Variants in PRKG1 observed in about 807,000 individuals in gnomAD.
PRKG1 encodes protein kinase cGMP-dependent 1.
Under a neutral mutation model 88.1 loss-of-function variants are expected in PRKG1, and 35 were observed. That is an observed-to-expected ratio of 0.40 (90% CI 0.30 to 0.53). The LOEUF (loss-of-function observed/expected upper bound fraction) is 0.53, where lower values mean the gene tolerates loss of function less well. Ranked by LOEUF, PRKG1 falls within the 20% of genes least tolerant of loss-of-function variation. The probability of loss-of-function intolerance (pLI) is 0.59; values close to 1 mark genes in which losing one functional copy is unlikely to be tolerated. For synonymous variants in PRKG1, 303 were observed against 292.5 expected (o/e 1.04, Z -0.37); for missense variants, 540 against 839.8 (o/e 0.64, Z 4.41).
intron 4 of PRKG1, among the ~76,000 whole-genome samples, chr10:51,845,080 A>G (rs2132787994): frequency 6.6e-6 from 1 of 152,312 alleles, no homozygotes; most frequent in South Asian, 2.1e-4. Context: ...CTGGTTGGCC[A>G]GCTACCTCAC....
At position 51,698,427 on chromosome 10, in the gene PRKG1, G is replaced by A. The variant is rs1435126491; in HGVS notation, c.593-106158G>A. 2.5e-6 allele frequency: 4 copies of A among 1,613,956 alleles called. No homozygotes were observed. The highest frequency in any genetic ancestry group is 2.2e-5 in the East Asian group (1 of 44,852). On this transcript the variant is annotated intron_variant, in intron 3 of 17. Coordinates refer to ENST00000373980, the MANE Select transcript of PRKG1 (RefSeq NM_006258.4). ...CCTCCCCTCATCTCATGTGAGGAAG[G>A]GCCACGAGTGTCATGACCAGAGGCA...
At chr10:51,022,361 T>G (rs1843150120) in intron 1 of PRKG1, among the ~76,000 whole-genome samples, 1 of 152,208 alleles carries the variant, frequency 6.6e-6, no homozygotes, top group Non-Finnish European at 1.5e-5. Context: ...CTTCATTTCT[T>G]GACATCTCCT....
intron 5 of PRKG1, among the ~76,000 whole-genome samples, chr10:52,033,962 C>A (rs1589539849): frequency 9.3e-6 from 1 of 107,598 alleles, no homozygotes; most frequent in East Asian, 2.1e-4. Context: ...GTGGGGGTCG[C>A]AAGGTGCTCA....
At position 51,527,839 on chromosome 10, in the gene PRKG1, C is replaced by G. The variant is rs554944508; in HGVS notation, c.592+60003C>G. The stretch of plus-strand genomic sequence containing the variant: ...TTAAGCTTGTATTTCAAACAACTCC[C>G]GGCAAATATCTCCCTAGTTAAGTAA... On this transcript the variant is annotated intron_variant, in intron 3 of 17. Coordinates refer to ENST00000373980, the MANE Select transcript of PRKG1 (RefSeq NM_006258.4). Among the ~76,000 whole-genome samples the G allele has an allele frequency of 9.9e-5, 15 of 152,238 alleles. No individual in the cohort carries two copies. The East Asian group carries it at 2.7e-3, about 27-fold the overall frequency.
intron 1 of PRKG1, among the ~76,000 whole-genome samples, chr10:51,088,576 C>T (rs908276779): frequency 2.6e-5 from 4 of 152,240 alleles, no homozygotes; most frequent in Non-Finnish European, 5.9e-5. Flanking sequence ...TTGGACCCAG[C>T]ATTCCTAGGT....
intron 10 of PRKG1, among the ~76,000 whole-genome samples, chr10:52,266,976 T>C (rs2339983): frequency 0.029 from 4,473 of 152,038 alleles, 288 homozygotes; most frequent in East Asian, 0.23. Context: ...CTGTTCTCCT[T>C]TTTTGCTGGC....
chr10:51,666,023 G>C (rs1000537224), intron 3 of PRKG1, among the ~76,000 whole-genome samples: 1 of 152,052 alleles, frequency 6.6e-6, no homozygotes, highest in Non-Finnish European at 1.5e-5. Flanking sequence ...TATTAAAAAA[G>C]AAATGTAAAT....
chr10:52,023,241 G>T (rs971504880), intron 5 of PRKG1, among the ~76,000 whole-genome samples: 1 of 152,156 alleles, frequency 6.6e-6, no homozygotes, highest in Non-Finnish European at 1.5e-5. Flanking sequence ...CAAAGGACAT[G>T]AACTCATCCT....
chr10:51,027,454 T>C (rs973854470), intron 1 of PRKG1, among the ~76,000 whole-genome samples: 1 of 152,230 alleles, frequency 6.6e-6, no homozygotes, highest in Non-Finnish European at 1.5e-5. Context: ...TAATCAATTT[T>C]GGTACTTATT....
intron 9 of PRKG1, among the ~76,000 whole-genome samples, chr10:52,190,368 C>A (rs1393130182): frequency 2.0e-5 from 3 of 152,070 alleles, no homozygotes; most frequent in Non-Finnish European, 4.4e-5. Flanking sequence ...CAGACAAATG[C>A]ATTCAAAAGC....
chr10:51,788,757 G>A (rs1364001404), intron 3 of PRKG1, among the ~76,000 whole-genome samples: 1 of 152,130 alleles, frequency 6.6e-6, no homozygotes, highest in Non-Finnish European at 1.5e-5. Context: ...AGCGAACTGA[G>A]GTGATGTAGA....
intron 9 of PRKG1, among the ~76,000 whole-genome samples, chr10:52,166,594 C>T (rs1214920651): frequency 1.3e-4 from 19 of 148,742 alleles, no homozygotes; most frequent in African/African-American, 3.2e-4. Context: ...CCACTATGCC[C>T]GGCTAATTTG....
chr10:51,241,678 G>C (rs1398567455), intron 2 of PRKG1, among the ~76,000 whole-genome samples: 2 of 152,104 alleles, frequency 1.3e-5, no homozygotes, highest in South Asian at 4.1e-4. Flanking sequence ...GGTTGCAATT[G>C]TTGTCAACTA....
At chr10:51,869,152 C>T (rs970704178) in intron 4 of PRKG1, among the ~76,000 whole-genome samples, 2 of 152,066 alleles carry the variant, frequency 1.3e-5, no homozygotes, top group Non-Finnish European at 2.9e-5. Flanking sequence ...TGACACATTG[C>T]GATTGCACCT....
Position 51,817,173 on chromosome 10 carries a change from G to A in PRKG1, c.698+12483G>A, listed in dbSNP as rs568990529. ...GTGTTTGGGGCAGCGGGGCCCAAAG[G>A]AATGGCAGATTTTGTACTTATTTTT... On this transcript the variant is annotated intron_variant, in intron 4 of 17. Transcript: ENST00000373980. Among the ~76,000 whole-genome samples, 14 of 152,174 alleles carry A rather than the reference G, an allele frequency of 9.2e-5. No individual in the cohort carries two copies. In the East Asian group the frequency reaches 2.1e-3, roughly 23 times the overall value.
At chr10:51,745,393 T>C (rs1464132862) in intron 3 of PRKG1, among the ~76,000 whole-genome samples, 1 of 152,202 alleles carries the variant, frequency 6.6e-6, no homozygotes, top group East Asian at 1.9e-4. Context: ...AGATTTCTTG[T>C]GTACCTTCTA....
At chr10:51,463,869 C>G (rs1158759528) in intron 2 of PRKG1, among the ~76,000 whole-genome samples, 1 of 152,180 alleles carries the variant, frequency 6.6e-6, no homozygotes, top group African/African-American at 2.4e-5. Flanking sequence ...AGCCATTCCT[C>G]GTTCACATAA....
At chr10:51,016,669 C>CTTTTTTTTTTTTT (rs1323068893) in intron 1 of PRKG1, among the ~76,000 whole-genome samples, 13 of 22,790 alleles carry the variant, frequency 5.7e-4, no homozygotes, top group South Asian at 2.7e-3. Flanking sequence ...TATTATTATC[C>CTTTTTTTTTTTTT]TTTCTTTTTT....
At chr10:51,428,264 G>T (rs1484131021) in intron 2 of PRKG1, among the ~76,000 whole-genome samples, 1 of 152,160 alleles carries the variant, frequency 6.6e-6, no homozygotes, top group African/African-American at 2.4e-5. Context: ...AGGTAATTTA[G>T]GAATATCACT....
Sources: gnomAD v4.1 joint callset for allele counts (sites outside exome capture counted in the v4.1 genomes callset) on GRCh38, gnomAD v4.1.1 for gene constraint, MANE v1.5 for transcripts, NCBI Gene and HGNC (gene_info 2026-07-23, HGNC 2026-07-21) for gene names.